The following TNFRSF19 variants were observed in gnomAD, a reference collection of about 807,000 sequenced individuals.
The protein encoded by TNFRSF19 is tumor necrosis factor receptor superfamily member 19.
TNFRSF19 carries 27 observed loss-of-function variants against 46.4 expected under a neutral mutation model. That is an observed-to-expected ratio of 0.58 (90% CI 0.43 to 0.80). TNFRSF19 has a LOEUF of 0.80. TNFRSF19 is among the 30% of genes least tolerant of loss of function. The pLI is 0.00. For synonymous variants in TNFRSF19, 204 were observed against 205.0 expected (o/e 1.00, Z 0.04); for missense variants, 511 against 530.8 (o/e 0.96, Z 0.37).
At chr13:23,591,486 A>T (rs1303265325) in intron 2 of TNFRSF19, among the ~76,000 whole-genome samples, 1 of 150,718 alleles carries the variant, frequency 6.6e-6, no homozygotes, top group Non-Finnish European at 1.5e-5. Context: ...TAAAAAAAAT[A>T]AAAAAATAAA....
chr13:23,576,350 CT>C (rs1877958192), intron 1 of TNFRSF19, among the ~76,000 whole-genome samples: 6 of 152,274 alleles, frequency 3.9e-5, no homozygotes, highest in Admixed American at 2.6e-4. Context: ...CCAGGCTGGT[CT>C]CAAACTCCTG....
chr13:23,661,111 TG>T (rs1884338882), intron 7 of TNFRSF19, among the ~76,000 whole-genome samples: 1 of 152,218 alleles, frequency 6.6e-6, no homozygotes, highest in Admixed American at 6.5e-5. Flanking sequence ...GGTAAACTGA[TG>T]TTACACGTTT....
intron 7 of TNFRSF19, among the ~76,000 whole-genome samples, chr13:23,660,838 C>G (rs1398634630): frequency 2.0e-5 from 3 of 152,110 alleles, no homozygotes; most frequent in Admixed American, 6.6e-5. Flanking sequence ...AAACCAAACA[C>G]TAATATGCCT....
chr13:23,636,749 A>G (rs980435659), intron 5 of TNFRSF19, among the ~76,000 whole-genome samples: 3 of 152,152 alleles, frequency 2.0e-5, no homozygotes, highest in African/African-American at 7.2e-5. Flanking sequence ...GCCGTTATGA[A>G]GATACATTTA....
chr13:23,637,782 G>C (rs1882779287), intron 5 of TNFRSF19, among the ~76,000 whole-genome samples: 1 of 152,262 alleles, frequency 6.6e-6, no homozygotes, highest in African/African-American at 2.4e-5. Context: ...ACTGATGACA[G>C]GGAAGGCAGC....
In TNFRSF19 at chr13:23,580,170, G is replaced by C. The variant is rs76487413; in HGVS notation, c.-35+9322G>C. Among the ~76,000 whole-genome samples, 550 of 152,358 alleles carry C rather than the reference G, an allele frequency of 3.6e-3. 3 individuals are homozygous for C. Among genetic ancestry groups the C allele is most frequent in the African/African-American group, 0.013 (525 of 41,578 alleles). On this transcript the variant is annotated intron_variant, in intron 1 of 9. Transcript: ENST00000248484. ...GAAATTTGGCTAATATACTCCTGGAGATCAAGTTTGGCGGATCAAAATTCT... is the reference window on the plus strand; with the variant it reads ...GAAATTTGGCTAATATACTCCTGGACATCAAGTTTGGCGGATCAAAATTCT...
chr13:23,668,177 C>T (rs1951682599), intron 8 of TNFRSF19, 95 bp downstream of exon 8: 1 of 1,110,284 alleles, frequency 9.0e-7, no homozygotes, highest in Non-Finnish European at 1.3e-6. Flanking sequence ...ATGGAAACAT[C>T]ACCTCTTAAA....
At chr13:23,632,210 G>A (rs1345009719) in intron 5 of TNFRSF19, among the ~76,000 whole-genome samples, 1 of 152,160 alleles carries the variant, frequency 6.6e-6, no homozygotes, top group Non-Finnish European at 1.5e-5. Flanking sequence ...TAAGTGTCCA[G>A]CCAGGGGATC....
At chr13:23,650,170 A>G (rs1883551552) in intron 5 of TNFRSF19, among the ~76,000 whole-genome samples, 1 of 152,204 alleles carries the variant, frequency 6.6e-6, no homozygotes, top group African/African-American at 2.4e-5. Flanking sequence ...AGTATTTTTG[A>G]CTGACTTATT....
rs1276121320 is a variant in TNFRSF19, at chr13:23,673,948, C to T, written c.*568C>T. 2 of 152,146 alleles carry T rather than the reference C, an allele frequency of 1.3e-5. No individual in the cohort carries two copies. The highest frequency in any genetic ancestry group is 2.4e-5 in the African/African-American group (1 of 41,412). 9.4% of individuals were successfully genotyped at this position (152,146 alleles called of 1,614,324 possible). A position where few individuals can be genotyped will look rare whatever the true frequency, so the allele number is the denominator to read the frequency against. On this transcript the variant is annotated 3_prime_UTR_variant, in exon 10 of 10. Transcript: ENST00000248484. The stretch of plus-strand genomic sequence containing the variant: ...TTAGAATGGCCCTCATATTGCCTGC[C>T]TAAATCTTGGGTTTATTAGATGAAG...
At chr13:23,592,797 G>A (rs149645359) in intron 2 of TNFRSF19, among the ~76,000 whole-genome samples, 1 of 152,270 alleles carries the variant, frequency 6.6e-6, no homozygotes, top group African/African-American at 2.4e-5. Context: ...AAAACCGCAT[G>A]GCAGATAAGT....
At chr13:23,581,355 C>T (rs1042396894) in intron 1 of TNFRSF19, among the ~76,000 whole-genome samples, 5 of 152,158 alleles carry the variant, frequency 3.3e-5, no homozygotes, top group Non-Finnish European at 7.4e-5. Context: ...ACCGTGTTAG[C>T]CAGGATGGTC....
At chr13:23,623,747 C>A (rs1373295249) in intron 4 of TNFRSF19, among the ~76,000 whole-genome samples, 5 of 152,064 alleles carry the variant, frequency 3.3e-5, no homozygotes. Flanking sequence ...TACCTGTCAG[C>A]CATGTGAGAT....
intron 5 of TNFRSF19, among the ~76,000 whole-genome samples, chr13:23,643,051 G>A (rs1486610573): frequency 6.6e-6 from 1 of 152,194 alleles, no homozygotes; most frequent in Admixed American, 6.5e-5. Flanking sequence ...GTAATTAATT[G>A]TTGATATTGC....
chr13:23,641,288 A>G (rs1485524576), intron 5 of TNFRSF19, among the ~76,000 whole-genome samples: 2 of 152,214 alleles, frequency 1.3e-5, no homozygotes, highest in Non-Finnish European at 2.9e-5. Flanking sequence ...AGAGCTGTCT[A>G]TGTAATTGAC....
intron 9 of TNFRSF19, among the ~76,000 whole-genome samples, chr13:23,673,104 G>A (rs1324639778): frequency 6.6e-6 from 1 of 152,216 alleles, no homozygotes; most frequent in Non-Finnish European, 1.5e-5. Flanking sequence ...AATACATTAT[G>A]ATTGCTATGG....
chr13:23,606,371 C>T (rs1373069368), intron 3 of TNFRSF19, among the ~76,000 whole-genome samples: 1 of 151,766 alleles, frequency 6.6e-6, no homozygotes, highest in Non-Finnish European at 1.5e-5. Context: ...AAAAAAAAGA[C>T]CAGGACAAAT....
intron 3 of TNFRSF19, among the ~76,000 whole-genome samples, chr13:23,612,019 T>A (rs1204946849): frequency 6.6e-6 from 1 of 152,182 alleles, no homozygotes; most frequent in Non-Finnish European, 1.5e-5. Flanking sequence ...AATACCTGTG[T>A]TGGGGGAGTG....
intron 5 of TNFRSF19, among the ~76,000 whole-genome samples, chr13:23,635,303 A>G (rs1882611899): frequency 6.6e-6 from 1 of 152,254 alleles, no homozygotes; most frequent in East Asian, 1.9e-4. Context: ...GGCATTAGAA[A>G]GTTAAAAATG....
Sources: gnomAD v4.1 joint callset for allele counts (sites outside exome capture counted in the v4.1 genomes callset) on GRCh38, gnomAD v4.1.1 for gene constraint, MANE v1.5 for transcripts, NCBI Gene and HGNC (gene_info 2026-07-23, HGNC 2026-07-21) for gene names.